The following RPS6KA5 variants were observed in gnomAD, a reference collection of about 807,000 sequenced individuals.
The protein encoded by RPS6KA5 is ribosomal protein S6 kinase A5.
In RPS6KA5, 27 loss-of-function variants were observed where a neutral mutation model predicts 85.5. That is an observed-to-expected ratio of 0.32 (90% CI 0.23 to 0.44). The LOEUF is 0.44. RPS6KA5 is among the 20% of genes least tolerant of loss of function. The pLI is 1.00. For missense variants in RPS6KA5, 811 were observed against 980.9 expected, an observed-to-expected ratio of 0.83 and a Z score of 2.31; for synonymous variants, 334 against 348.2, an observed-to-expected ratio of 0.96 and a Z score of 0.46.
At chr14:90,907,802 T>C (rs2035593589) in intron 7 of RPS6KA5, among the ~76,000 whole-genome samples, 1 of 152,146 alleles carries the variant, frequency 6.6e-6, no homozygotes, top group Non-Finnish European at 1.5e-5. Flanking sequence ...TAATAGACAA[T>C]CCTCTTCTCA....
At chr14:90,944,288 T>C (rs1435119540) in intron 4 of RPS6KA5, among the ~76,000 whole-genome samples, 1 of 152,132 alleles carries the variant, frequency 6.6e-6, no homozygotes, top group Non-Finnish European at 1.5e-5. Context: ...AAGTTCTTAA[T>C]AATCTCTTAA....
intron 1 of RPS6KA5, among the ~76,000 whole-genome samples, chr14:91,014,540 A>T (rs1282843559): frequency 2.6e-5 from 4 of 151,650 alleles, no homozygotes; most frequent in Non-Finnish European, 5.9e-5. Context: ...AATGAGTATT[A>T]TAAAGAAATT....
chr14:90,873,892 A>G lies in RPS6KA5; in HGVS notation c.1997-97T>C, dbSNP rs750384012. On this transcript the variant is annotated intron_variant, in intron 15 of 16. Coordinates refer to ENST00000614987, the MANE Select transcript of RPS6KA5 (RefSeq NM_004755.4). ...ATCTCAGCTATGTTCACATGACATA[A>G]TGGTTTCTATATAGCTTTAACCTCC... 6.0e-4 allele frequency: 625 copies of G among 1,037,086 alleles called. 2 individuals carry two copies. Among genetic ancestry groups the G allele is most frequent in the Middle Eastern group, 1.5e-3 (5 of 3,328 alleles). The allele number at this position is 1,037,086 out of a possible 1,614,324, so 64.2% of individuals were successfully genotyped here.
At chr14:90,984,216 T>C (rs932497300) in intron 2 of RPS6KA5, among the ~76,000 whole-genome samples, 1 of 152,186 alleles carries the variant, frequency 6.6e-6, no homozygotes, top group African/African-American at 2.4e-5. Flanking sequence ...GAGGTAGAGG[T>C]TCTACTTTTT....
In RPS6KA5 at chr14:90,871,174, C is replaced by T. The variant is rs557300042; in HGVS notation, c.*900G>A. The T allele has an allele frequency of 1.3e-5, 2 of 152,610 alleles. No homozygotes were observed. Among genetic ancestry groups the T allele is most frequent in the African/African-American group, 4.8e-5 (2 of 41,546 alleles). The allele number at this position is 152,610 out of a possible 1,614,324, so 9.5% of individuals were successfully genotyped here. A position where few individuals can be genotyped will look rare whatever the true frequency, so the allele number is the denominator to read the frequency against. On this transcript the variant is annotated 3_prime_UTR_variant, in exon 17 of 17. Transcript: ENST00000614987. ...GTGGCTGACTACATGACACAACATG[C>T]CCCATTCTACTTGTTGCATACAAAG... is the stretch of plus-strand genomic sequence containing the variant.
chr14:90,899,942 T>C (rs913118578), intron 11 of RPS6KA5, among the ~76,000 whole-genome samples, 166 bp downstream of exon 11: 2 of 152,206 alleles, frequency 1.3e-5, no homozygotes, highest in Non-Finnish European at 2.9e-5. Context: ...TCAGAAAATA[T>C]CAATTAGAGC....
At chr14:90,930,828 A>G (rs1249785093) in intron 5 of RPS6KA5, among the ~76,000 whole-genome samples, 1 of 152,232 alleles carries the variant, frequency 6.6e-6, no homozygotes, top group Non-Finnish European at 1.5e-5. Context: ...TCAGAATTAC[A>G]ATGAGATTTC....
intron 6 of RPS6KA5, among the ~76,000 whole-genome samples, chr14:90,921,593 C>T (rs1171710907): frequency 6.6e-6 from 1 of 152,164 alleles, no homozygotes; most frequent in African/African-American, 2.4e-5. Flanking sequence ...TTAATACAAG[C>T]AGTTTGACTG....
chr14:90,904,201 G>A (rs2035375544), intron 8 of RPS6KA5, among the ~76,000 whole-genome samples: 1 of 152,046 alleles, frequency 6.6e-6, no homozygotes, highest in African/African-American at 2.4e-5. Flanking sequence ...CGCCCACCTT[G>A]GCCTCCCGAA....
At position 91,015,483 on chromosome 14, in the gene RPS6KA5, T is replaced by C. The variant is rs959756075; in HGVS notation, c.104-14324A>G. Reference sequence around the variant, plus strand: ...TGAATTACACTTTTCATACAAGATATAGTTTCTTATAGTCCAAAGTACTAT... The same window carrying C: ...TGAATTACACTTTTCATACAAGATACAGTTTCTTATAGTCCAAAGTACTAT... On this transcript the variant is annotated intron_variant, in intron 1 of 16. Coordinates refer to ENST00000614987, the MANE Select transcript of RPS6KA5 (RefSeq NM_004755.4). 5.3e-5 allele frequency among the ~76,000 whole-genome samples: 8 copies of C among 152,360 alleles called. No homozygotes were observed. In the East Asian group the frequency reaches 1.2e-3, roughly 22 times the overall value.
intron 2 of RPS6KA5, among the ~76,000 whole-genome samples, chr14:90,981,156 A>G (rs2039774846): frequency 6.6e-6 from 1 of 152,256 alleles, no homozygotes; most frequent in Non-Finnish European, 1.5e-5. Flanking sequence ...GGGCAACAAG[A>G]GTGAAACTTA....
At chr14:91,001,980 T>C (rs902976099) in intron 1 of RPS6KA5, among the ~76,000 whole-genome samples, 1 of 152,184 alleles carries the variant, frequency 6.6e-6, no homozygotes, top group African/African-American at 2.4e-5. Flanking sequence ...TATGAAAATA[T>C]GCATGTAGAT....
intron 5 of RPS6KA5, among the ~76,000 whole-genome samples, chr14:90,939,690 A>G (rs1480439804): frequency 6.6e-6 from 1 of 152,186 alleles, no homozygotes; most frequent in Non-Finnish European, 1.5e-5. Flanking sequence ...AGACTTATTC[A>G]CTATCACAAG....
intron 5 of RPS6KA5, among the ~76,000 whole-genome samples, chr14:90,940,021 T>C (rs1215930127): frequency 6.6e-6 from 1 of 152,074 alleles, no homozygotes; most frequent in Non-Finnish European, 1.5e-5. Context: ...CCTAAATAGG[T>C]GCTGGGTGGA....
At chr14:90,885,121 T>TG (rs2034105653) in intron 14 of RPS6KA5, among the ~76,000 whole-genome samples, 1 of 151,282 alleles carries the variant, frequency 6.6e-6, no homozygotes. Flanking sequence ...GGCATGGTGG[T>TG]GTGTGCCTGT....
At chr14:91,033,641 G>A (rs1167121987) in intron 1 of RPS6KA5, among the ~76,000 whole-genome samples, 3 of 152,092 alleles carry the variant, frequency 2.0e-5, no homozygotes, top group Non-Finnish European at 4.4e-5. Context: ...ACAGAATGAA[G>A]AACAACCAGA....
intron 7 of RPS6KA5, among the ~76,000 whole-genome samples, chr14:90,913,036 G>T (rs113224096): frequency 6.8e-6 from 1 of 146,570 alleles, no homozygotes; most frequent in Admixed American, 7.0e-5. Context: ...TCAGTCTCCC[G>T]AGTAGCTGGG....
chr14:90,987,821 T>C (rs918629421), intron 2 of RPS6KA5, among the ~76,000 whole-genome samples: 8 of 152,148 alleles, frequency 5.3e-5, no homozygotes, highest in African/African-American at 1.9e-4. Context: ...GACACTATCA[T>C]AAGCAAGGCC....
rs778717131 is a variant in RPS6KA5 at position 91,047,632 on chromosome 14, A to G, written c.103+12700T>C. ...GGTTAATCCAATCTTAGTAAGTTGT[A>G]TTAGTTTCCTGTAACTGCGGTAGAA... On this transcript the variant is annotated intron_variant, in intron 1 of 16. Transcript: ENST00000614987. Among the ~76,000 whole-genome samples, 8 of 152,210 alleles carry G rather than the reference A, an allele frequency of 5.3e-5. No individual in the cohort carries two copies. In the South Asian group the frequency reaches 6.2e-4, roughly 12 times the overall value.
Sources: allele counts gnomAD v4.1 joint callset (sites outside exome capture counted in the v4.1 genomes callset), GRCh38; gene constraint gnomAD v4.1.1; transcripts MANE v1.5; gene names NCBI Gene and HGNC (gene_info 2026-07-23, HGNC 2026-07-21).